The following RNF144B variants were observed in gnomAD, a reference collection of about 807,000 sequenced individuals.
RNF144B encodes the protein ring finger protein 144B, also known as E3 ubiquitin-protein ligase RNF144B.
A neutral mutation model predicts 40.2 loss-of-function variants in RNF144B; 25 were observed. The ratio of observed to expected loss-of-function variants is 0.62; its 90% CI spans 0.45 to 0.87. The LOEUF is 0.87. RNF144B is among the 40% of genes least tolerant of loss of function. RNF144B has a pLI of 0.00. For synonymous variants in RNF144B, 145 were observed against 136.3 expected (o/e 1.06, Z -0.44); for missense variants, 365 against 373.7 (o/e 0.98, Z 0.19).
intron 3 of RNF144B, among the ~76,000 whole-genome samples, chr6:18,430,436 G>T (rs1168219533): frequency 6.6e-6 from 1 of 152,154 alleles, no homozygotes; most frequent in Non-Finnish European, 1.5e-5. Flanking sequence ...CAGTTCTCTA[G>T]AGCAGAGCTT....
Position 18,418,025 on chromosome 6 carries a change from G to A in RNF144B, c.166-9556G>A, listed in dbSNP as rs865944444. Among the ~76,000 whole-genome samples the A allele has an allele frequency of 7.9e-5, 12 of 152,218 alleles. No individual in the cohort carries two copies. The highest frequency in any genetic ancestry group is 3.4e-3 in the Middle Eastern group (1 of 294). ...ACTAGCCAACAGGGCAATGCAAATC[G>A]AAACCACAATGATATTCGACTTCAC... is the stretch of plus-strand genomic sequence containing the variant. On this transcript the variant is annotated intron_variant, in intron 2 of 7. Coordinates refer to ENST00000259939, the MANE Select transcript of RNF144B (RefSeq NM_182757.4). The surrounding 1 kb of genome is among the most constrained non-coding windows in gnomAD (Gnocchi z 5.2).
chr6:18,445,477 C>G (rs940084169), intron 4 of RNF144B, among the ~76,000 whole-genome samples: 14 of 152,228 alleles, frequency 9.2e-5, no homozygotes, highest in African/African-American at 2.6e-4. Flanking sequence ...TTTCTTGCCT[C>G]GCATAATTTA....
At chr6:18,427,509 G>A in intron 2 of RNF144B, 72 bp from the exon 3 acceptor site, 2 of 960,368 alleles carry the variant, frequency 2.1e-6, no homozygotes, top group South Asian at 2.9e-5. Flanking sequence ...AAGACACAGT[G>A]GTGGTTCTGT....
intron 3 of RNF144B, among the ~76,000 whole-genome samples, chr6:18,432,760 T>G (rs1373169718): frequency 6.6e-6 from 1 of 152,240 alleles, no homozygotes; most frequent in African/African-American, 2.4e-5. Context: ...TTTTAACTTC[T>G]TCCAATTGCT....
At chr6:18,387,691 A>G (rs1794485413) in intron 1 of RNF144B, 61 bp downstream of exon 1, 1 of 1,251,402 alleles carries the variant, frequency 8.0e-7, no homozygotes, top group South Asian at 1.3e-5. Context: ...GTGTTGCTGG[A>G]CTAAGGAAAA....
Position 18,458,229 on chromosome 6 carries a change from C to T in RNF144B, c.536+870C>T, listed in dbSNP as rs1415738393. 1.3e-5 allele frequency among the ~76,000 whole-genome samples: 2 copies of T among 152,208 alleles called. No individual in the cohort carries two copies. Among genetic ancestry groups the T allele is most frequent in the African/African-American group, 4.8e-5 (2 of 41,456 alleles). Reference sequence around the variant, plus strand: ...CTAGGATTACAGACATAAGCCACCACACTTGGGCGATACAGAGGGTTTTTA... The same window carrying T: ...CTAGGATTACAGACATAAGCCACCATACTTGGGCGATACAGAGGGTTTTTA... On this transcript the variant is annotated intron_variant, in intron 5 of 7. Coordinates refer to ENST00000259939, the MANE Select transcript of RNF144B (RefSeq NM_182757.4). This position sits in a 1 kb window ranked among gnomAD's most constrained non-coding sequence, Gnocchi z 4.8.
rs185287380 is a variant in RNF144B at position 18,434,479 on chromosome 6, G to A, written c.271-5205G>A. Among the ~76,000 whole-genome samples, 6 of 152,222 alleles carry A rather than the reference G, an allele frequency of 3.9e-5. No individual in the cohort carries two copies. Among genetic ancestry groups the A allele is most frequent in the East Asian group, 1.9e-4 (1 of 5,178 alleles). On this transcript the variant is annotated intron_variant, in intron 3 of 7. Transcript: ENST00000259939. This position sits in a 1 kb window ranked among gnomAD's most constrained non-coding sequence, Gnocchi z 4.1. ...TTTTCATTTCTTCTTGGTTGTGGAC[G>A]TTAGAGAGATTAAATCACAGTTGTG...
chr6:18,427,528 C>G, intron 2 of RNF144B, 53 bp from the exon 3 acceptor site: 2 of 1,275,076 alleles, frequency 1.6e-6, no homozygotes, highest in Non-Finnish European at 2.3e-6. Context: ...GTTATGTAAC[C>G]TTTCTGCTAC....
chr6:18,392,483 A>T (rs1794604349), intron 1 of RNF144B, among the ~76,000 whole-genome samples: 2 of 152,106 alleles, frequency 1.3e-5, no homozygotes, highest in South Asian at 4.1e-4. Flanking sequence ...ACCCACAAAA[A>T]GGTTAATAGG....
rs947428426 is a variant in RNF144B at position 18,459,537 on chromosome 6, C to A, written c.537-70C>A. On this transcript the variant is annotated intron_variant, in intron 5 of 7. Transcript: ENST00000259939. This position sits in a 1 kb window ranked among gnomAD's most constrained non-coding sequence, Gnocchi z 4.2. ...GATAACTGTGAGTTCATTATCTAAC[C>A]ATCAGGAGCCCTGGGAATTCAACTG... The A allele has an allele frequency of 1.3e-6, 2 of 1,505,620 alleles. No individual in the cohort carries two copies. Among genetic ancestry groups the A allele is most frequent in the Non-Finnish European group, 1.8e-6 (2 of 1,094,438 alleles). The allele number at this position is 1,505,620 out of a possible 1,614,324, so 93.3% of individuals were successfully genotyped here.
intron 2 of RNF144B, among the ~76,000 whole-genome samples, chr6:18,401,102 T>A (rs147190322): frequency 2.2e-4 from 34 of 151,842 alleles, no homozygotes; most frequent in African/African-American, 7.5e-4. Context: ...GTGGTGAAAA[T>A]CAGTATGCAA....
At chr6:18,391,052 AG>A (rs1472874413) in intron 1 of RNF144B, among the ~76,000 whole-genome samples, 4 of 152,146 alleles carry the variant, frequency 2.6e-5, no homozygotes, top group African/African-American at 9.7e-5. Context: ...CTTTAACAGG[AG>A]GGGGTAATAT....
chr6:18,436,058 T>TA (rs35954063), intron 3 of RNF144B, among the ~76,000 whole-genome samples: 4,644 of 141,580 alleles, frequency 0.033, 142 homozygotes, highest in South Asian at 0.17. Flanking sequence ...AATCACACAC[T>TA]AAAAAAAAAA....
intron 4 of RNF144B, among the ~76,000 whole-genome samples, chr6:18,449,697 G>GTATATATATATATATATA (rs70974745): frequency 2.7e-4 from 40 of 149,350 alleles, no homozygotes; most frequent in South Asian, 1.9e-3. Context: ...GTGTTTTGAA[G>GTATATATATATATATATA]TATATATATA....
At position 18,460,800 on chromosome 6, in the gene RNF144B, TA is replaced by T. The variant is rs137988328; in HGVS notation, c.681+1054del. 0.017 allele frequency among the ~76,000 whole-genome samples: 2,644 copies of T among 152,290 alleles called. 38 individuals are homozygous for T. Among genetic ancestry groups the T allele is most frequent in the Middle Eastern group, 0.027 (8 of 294 alleles). ...CCAAGGCTAATGGTAACTTCAGAGTTAAAAATGCGATGCAAAGAGTTGGTGA... is the reference window on the plus strand; with the variant it reads ...CCAAGGCTAATGGTAACTTCAGAGTTAAAATGCGATGCAAAGAGTTGGTGA... On this transcript the variant is annotated intron_variant, in intron 6 of 7. Coordinates refer to ENST00000259939, the MANE Select transcript of RNF144B (RefSeq NM_182757.4). The surrounding 1 kb of genome is among the most constrained non-coding windows in gnomAD (Gnocchi z 4.4).
chr6:18,458,817 C>G lies in RNF144B; in HGVS notation c.537-790C>G, dbSNP rs1759390322. On this transcript the variant is annotated intron_variant, in intron 5 of 7. Coordinates refer to ENST00000259939, the MANE Select transcript of RNF144B (RefSeq NM_182757.4). The surrounding 1 kb of genome is among the most constrained non-coding windows in gnomAD (Gnocchi z 4.8). ...CATGATATGTTTATTGGTTAAGCAT[C>G]CTTACTCTGAATACCAGGAGTCAGA... Among the ~76,000 whole-genome samples, 1 of 152,184 alleles carries G rather than the reference C, an allele frequency of 6.6e-6. No homozygotes were observed.
At position 18,465,303 on chromosome 6, in the gene RNF144B, G is replaced by A. The variant is rs960866732; in HGVS notation, c.*236G>A. The A allele has an allele frequency of 6.7e-5, 36 of 534,538 alleles. No individual in the cohort carries two copies. Among genetic ancestry groups the A allele is most frequent in the Non-Finnish European group, 1.0e-4 (31 of 301,130 alleles). The allele number at this position is 534,538 out of a possible 1,614,324, so 33.1% of individuals were successfully genotyped here. Reference sequence around the variant, plus strand: ...CCAGCTGTTTCTATGGAGCTTTGGGGTTCCTTGAGATGAATGAACATATCA... The same window carrying A: ...CCAGCTGTTTCTATGGAGCTTTGGGATTCCTTGAGATGAATGAACATATCA... On this transcript the variant is annotated 3_prime_UTR_variant, in exon 8 of 8. Coordinates refer to ENST00000259939, the MANE Select transcript of RNF144B (RefSeq NM_182757.4).
chr6:18,409,429 G>T (rs534261605), intron 2 of RNF144B, among the ~76,000 whole-genome samples: 7 of 149,036 alleles, frequency 4.7e-5, no homozygotes, highest in African/African-American at 1.7e-4. Flanking sequence ...CTTTTTCTGG[G>T]TAGATCTCTT....
In RNF144B at chr6:18,456,972, GA is replaced by G; in HGVS notation, c.332-181del. Among the ~76,000 whole-genome samples, 1 of 152,340 alleles carries G rather than the reference GA, an allele frequency of 6.6e-6. No homozygotes were observed. The highest frequency in any genetic ancestry group is 2.1e-4 in the South Asian group (1 of 4,832). ...AGCTACTCGGGAGGCTGAGGCAGAA[GA>G]ATCGGTTGAACCCAGGAGGGGAGGT... On this transcript the variant is annotated intron_variant, in intron 4 of 7. Transcript: ENST00000259939. The surrounding 1 kb of genome is among the most constrained non-coding windows in gnomAD (Gnocchi z 4.7).
Sources: gnomAD v4.1 joint callset for allele counts (sites outside exome capture counted in the v4.1 genomes callset) on GRCh38, gnomAD v4.1.1 for gene constraint, Gnocchi (gnomAD v3.1) non-coding constraint, MANE v1.5 for transcripts, NCBI Gene and HGNC (gene_info 2026-07-23, HGNC 2026-07-21) for gene names.